The following NPS variants were observed in gnomAD, a reference collection of about 807,000 sequenced individuals.
The protein encoded by NPS is prepro-neuropeptide S.
Under a neutral mutation model 7.2 loss-of-function variants are expected in NPS, and 6 were observed. The ratio of observed to expected loss-of-function variants is 0.83; its 90% CI spans 0.46 to 1.64. The LOEUF (loss-of-function observed/expected upper bound fraction) is 1.64, where lower values mean the gene tolerates loss of function less well. Among genes scored for constraint, NPS ranks in the 40% most tolerant of loss-of-function variants. NPS has a pLI of 0.01. For missense variants in NPS, 123 were observed against 97.8 expected, an observed-to-expected ratio of 1.26 and a Z score of -1.09; for synonymous variants, 42 against 36.7, an observed-to-expected ratio of 1.14 and a Z score of -0.52.
rs760967313 is a variant in NPS at position 127,549,465 on chromosome 10, T to C, written c.9-24T>C. On this transcript the variant is annotated intron_variant, in intron 1 of 2. Transcript: ENST00000398023. ...TTGCCTACTTGAGACTAAATCTTGA[T>C]TGTACTTTTTTTCTACTTTGCAGCT... The C allele has an allele frequency of 2.5e-6, 4 of 1,595,724 alleles. No individual in the cohort carries two copies. In the Admixed American group the frequency reaches 5.0e-5, roughly 20 times the overall value.
Position 127,552,453 on chromosome 10 carries a change from T to A in NPS, c.91-7T>A, listed in dbSNP as rs1453551955. ...TTCTCTTTCTCCTCACCCATCTGAATTGCCAGGTGTCTGGAAAATCTGATT... is the reference window on the plus strand; with the variant it reads ...TTCTCTTTCTCCTCACCCATCTGAAATGCCAGGTGTCTGGAAAATCTGATT... On this transcript the variant is annotated splice_polypyrimidine_tract_variant and splice_region_variant and intron_variant, in intron 2 of 2. Coordinates refer to ENST00000398023, the MANE Select transcript of NPS (RefSeq NM_001030013.2). 6.4e-7 allele frequency: 1 copy of A among 1,569,812 alleles called. No individual in the cohort carries two copies. The highest frequency in any genetic ancestry group is 2.2e-5 in the East Asian group (1 of 44,566).
chr10:127,549,974 T>A (rs908060503), intron 2 of NPS, among the ~76,000 whole-genome samples: 1 of 152,196 alleles, frequency 6.6e-6, no homozygotes, highest in African/African-American at 2.4e-5. Flanking sequence ...AGAATATAGA[T>A]AAAACGTTAG....
chr10:127,550,734 G>A (rs1001410866), intron 2 of NPS, among the ~76,000 whole-genome samples: 3 of 152,072 alleles, frequency 2.0e-5, no homozygotes, highest in Admixed American at 6.5e-5. Flanking sequence ...TGACAGTTTT[G>A]TTCTTGTTAT....
At chr10:127,550,427 C>G (rs980123346) in intron 2 of NPS, among the ~76,000 whole-genome samples, 29 of 151,034 alleles carry the variant, frequency 1.9e-4, no homozygotes, top group African/African-American at 7.0e-4. Flanking sequence ...TTTTTGGTTT[C>G]CTCCTATGAG....
In NPS at chr10:127,553,277, G is replaced by GC. The variant is rs1274456303; in HGVS notation, c.*640dup. ...TGTTGTCTTGTCTTGGAAATTTGTT[G>GC]CCTTTTAAAATCTTTAAGCACAGAA... On this transcript the variant is annotated 3_prime_UTR_variant, in exon 3 of 3. Transcript: ENST00000398023. 6.6e-6 allele frequency among the ~76,000 whole-genome samples: 1 copy of GC among 152,010 alleles called. No individual in the cohort carries two copies. The highest frequency in any genetic ancestry group is 1.5e-5 in the Non-Finnish European group (1 of 68,016).
chr10:127,549,528 C>G lies in NPS; in HGVS notation c.48C>G (p.Ser16=), dbSNP rs1196178090. The change falls in exon 2 of 3, where the codon TCC becomes TCG. Residue 16 remains serine, a synonymous_variant. Transcript: ENST00000398023. The stretch of plus-strand genomic sequence containing the variant: ...ATCTCATCCTAGTTCTGTCGCTGTC[C>G]ACAATGCATGTGTTTTGGTGTTATC... ...KLNLILVLSL[S]TMHVFWCYPV... is the part of the protein sequence containing the mutation. 2.5e-6 allele frequency: 4 copies of G among 1,612,338 alleles called. No homozygotes were observed. Among genetic ancestry groups the G allele is most frequent in the Non-Finnish European group, 3.4e-6 (4 of 1,178,564 alleles).
Position 127,549,528 on chromosome 10 carries a change from C to A in NPS, c.48C>A (p.Ser16=), listed in dbSNP as rs1196178090. 1 of 1,612,456 alleles carries A rather than the reference C, an allele frequency of 6.2e-7. No individual in the cohort carries two copies. Among genetic ancestry groups the A allele is most frequent in the Non-Finnish European group, 8.5e-7 (1 of 1,178,556 alleles). Reference sequence around the variant, plus strand: ...ATCTCATCCTAGTTCTGTCGCTGTCCACAATGCATGTGTTTTGGTGTTATC... The same window carrying A: ...ATCTCATCCTAGTTCTGTCGCTGTCAACAATGCATGTGTTTTGGTGTTATC... ...KLNLILVLSL[S]TMHVFWCYPV... Residue 16 remains serine, a synonymous_variant, in exon 2 of 3, where the codon TCC becomes TCA. Transcript: ENST00000398023.
chr10:127,552,029 T>C (rs1034625249), intron 2 of NPS, among the ~76,000 whole-genome samples: 5 of 152,168 alleles, frequency 3.3e-5, no homozygotes, highest in Admixed American at 1.3e-4. Flanking sequence ...AAGACATCCT[T>C]ATGGGGAAAC....
Position 127,552,654 on chromosome 10 carries a change from G to T in NPS, c.*15G>T, listed in dbSNP as rs184701451. On this transcript the variant is annotated 3_prime_UTR_variant, in exon 3 of 3. Transcript: ENST00000398023. Reference sequence around the variant, plus strand: ...CAAAATCATGACTAAGTGTGCAAAGGACTCGGGGAATTAATCTAACTGTAG... The same window carrying T: ...CAAAATCATGACTAAGTGTGCAAAGTACTCGGGGAATTAATCTAACTGTAG... 1.9e-6 allele frequency: 3 copies of T among 1,582,128 alleles called. No individual in the cohort carries two copies. The highest frequency in any genetic ancestry group is 1.7e-5 in the Admixed American group (1 of 59,784).
rs1171913811 is a variant in NPS at position 127,552,809 on chromosome 10, A to G, written c.*170A>G. ...GAGTAAAAAAAGAAAAAAAATGTAAACATGTCTCAAACCTGTCTCAAACTT... is the reference window on the plus strand; with the variant it reads ...GAGTAAAAAAAGAAAAAAAATGTAAGCATGTCTCAAACCTGTCTCAAACTT... On this transcript the variant is annotated 3_prime_UTR_variant, in exon 3 of 3. Transcript: ENST00000398023. Among the ~76,000 whole-genome samples the G allele has an allele frequency of 6.6e-6, 1 of 152,168 alleles. No individual in the cohort carries two copies. The highest frequency in any genetic ancestry group is 1.5e-5 in the Non-Finnish European group (1 of 68,036).
rs1479471057 is a variant in NPS, at chr10:127,552,591, A to T, written c.222A>T (p.Gly74=). 1 of 1,613,822 alleles carries T rather than the reference A, an allele frequency of 6.2e-7. No individual in the cohort carries two copies. Among genetic ancestry groups the T allele is most frequent in the Non-Finnish European group, 8.5e-7 (1 of 1,179,724 alleles). The change falls in exon 3 of 3, where the codon GGA becomes GGT. Residue 74 remains glycine (G), a synonymous_variant. Transcript: ENST00000398023. ...TTGTGAAAAGGTCCTTTCGCAATGG[A>T]GTTGGCACAGGGATGAAAAAAACTT... is the stretch of plus-strand genomic sequence containing the variant. The part of the protein sequence containing the change: ...KMFVKRSFRN[G]VGTGMKKTSF...
Position 127,552,517 on chromosome 10 carries a change from G to T in NPS, c.148G>T (p.Asp50Tyr). Residue 50 changes from aspartate (D) to tyrosine (Y), a missense_variant, in exon 3 of 3, where the codon GAC becomes TAC. Transcript: ENST00000398023. Reference protein sequence around the residue: ...ILLNSCPTRLDRSKELAFLKP... With the variant: ...ILLNSCPTRLYRSKELAFLKP... ...GCTGAACAGCTGCCCAACCAGATTG[G>T]ACAGGAGCAAAGAACTAGCTTTTCT... 6.2e-7 allele frequency: 1 copy of T among 1,612,916 alleles called. No homozygotes were observed. The highest frequency in any genetic ancestry group is 8.5e-7 in the Non-Finnish European group (1 of 1,178,932).
In NPS at chr10:127,549,315, G is replaced by A; in HGVS notation, c.-54G>A. 6 of 1,523,768 alleles carry A rather than the reference G, an allele frequency of 3.9e-6. No homozygotes were observed. The highest frequency in any genetic ancestry group is 5.4e-6 in the Non-Finnish European group (6 of 1,101,120). 94.4% of individuals were successfully genotyped at this position (1,523,768 alleles called of 1,614,324 possible). On this transcript the variant is annotated 5_prime_UTR_variant, in exon 1 of 3. It adds an upstream start codon to the 5' untranslated region. Transcript: ENST00000398023. ...ACCCAATGAGGGTCTGAGAGTAAGTGTGAGAAATTTGGCAATAAAACCACC... is the reference window on the plus strand; with the variant it reads ...ACCCAATGAGGGTCTGAGAGTAAGTATGAGAAATTTGGCAATAAAACCACC...
At chr10:127,552,082 T>C (rs1844863400) in intron 2 of NPS, among the ~76,000 whole-genome samples, 1 of 152,264 alleles carries the variant, frequency 6.6e-6, no homozygotes, top group Admixed American at 6.5e-5. Flanking sequence ...AAAGTGGTTC[T>C]GATTGACACC....
intron 2 of NPS, among the ~76,000 whole-genome samples, chr10:127,552,240 A>G (rs1844864699): frequency 6.6e-6 from 1 of 152,236 alleles, no homozygotes; most frequent in South Asian, 2.1e-4. Context: ...GAATAGCAGC[A>G]AGTATATAAG....
At chr10:127,551,951 C>T (rs183452533) in intron 2 of NPS, among the ~76,000 whole-genome samples, 2 of 152,308 alleles carry the variant, frequency 1.3e-5, no homozygotes, top group Non-Finnish European at 2.9e-5. Flanking sequence ...CCTACATTAT[C>T]CAGCCTCGAG....
rs756255563 is a variant in NPS, at chr10:127,552,481, T to C, written c.112T>C (p.Phe38Leu). ...SSKVSGKSDY[F>L]LILLNSCPTR... The stretch of plus-strand genomic sequence containing the variant: ...CCAGGTGTCTGGAAAATCTGATTAC[T>C]TTCTCATTCTGCTGAACAGCTGCCC... The change falls in exon 3 of 3, where the codon TTT becomes CTT. Residue 38 changes from phenylalanine (F) to leucine (L), a missense_variant. Physicochemically the swap from Phe to Leu is conservative, Grantham distance 22. Transcript: ENST00000398023. The C allele has an allele frequency of 3.1e-6, 5 of 1,609,678 alleles. No homozygotes were observed. The South Asian group carries it at 4.4e-5, about 14-fold the overall frequency.
At chr10:127,549,802 G>A (rs1485966967) in intron 2 of NPS, among the ~76,000 whole-genome samples, 3 of 152,154 alleles carry the variant, frequency 2.0e-5, no homozygotes, top group Non-Finnish European at 4.4e-5. Flanking sequence ...GTTGGCTCCT[G>A]CAAAGGGAAA....
intron 2 of NPS, among the ~76,000 whole-genome samples, chr10:127,551,039 G>A (rs1428287336): frequency 6.6e-6 from 1 of 152,130 alleles, no homozygotes; most frequent in African/African-American, 2.4e-5. Context: ...GAGTATTTCT[G>A]GAAAGAACTG....
Sources: gnomAD v4.1 joint callset for allele counts (sites outside exome capture counted in the v4.1 genomes callset) on GRCh38, gnomAD v4.1.1 for gene constraint, MANE v1.5 for transcripts, NCBI Gene and HGNC (gene_info 2026-07-23, HGNC 2026-07-21) for gene names.